The following MLPH variants were observed in gnomAD, a reference collection of about 807,000 sequenced individuals.
MLPH encodes exophilin-3.
MLPH carries 51 observed loss-of-function variants against 72.1 expected under a neutral mutation model. That is an observed-to-expected ratio of 0.71 (90% CI 0.56 to 0.89). The LOEUF is 0.89. MLPH is among the 40% of genes least tolerant of loss of function. MLPH has a pLI of 0.00. For synonymous variants in MLPH, 301 were observed against 310.1 expected (o/e 0.97, Z 0.31); for missense variants, 743 against 759.9 (o/e 0.98, Z 0.26).
chr2:237,487,172 A>C (rs374420381), upstream of MLPH: 12 of 152,282 alleles, frequency 7.9e-5, no homozygotes, highest in African/African-American at 2.6e-4. Flanking sequence ...CAGGGCATCC[A>C]GAGGTGTCCG....
rs369862768 is a variant in MLPH, at chr2:237,502,074, G to A, written c.111-8500G>A. 5.9e-5 allele frequency among the ~76,000 whole-genome samples: 9 copies of A among 152,192 alleles called. No homozygotes were observed. The East Asian group carries it at 1.5e-3, about 26-fold the overall frequency. ...TCTGGAGTTAGCTGAGGATATCCTC[G>A]TGATGTTTGCACCAAAGTTCCATTG... is the stretch of plus-strand genomic sequence containing the variant. On this transcript the variant is annotated intron_variant, in intron 2 of 15. Coordinates refer to ENST00000264605, the MANE Select transcript of MLPH (RefSeq NM_024101.7).
intron 9 of MLPH, among the ~76,000 whole-genome samples, chr2:237,537,035 C>CGGACACAG (rs2080546528): frequency 6.6e-6 from 1 of 152,216 alleles, no homozygotes; most frequent in African/African-American, 2.4e-5. Context: ...GCCCTCTGGG[C>CGGACACAG]CATCAAGGAG....
intron 1 of MLPH, among the ~76,000 whole-genome samples, chr2:237,491,643 C>G (rs752826271): frequency 2.7e-4 from 41 of 152,192 alleles, no homozygotes; most frequent in Non-Finnish European, 4.4e-4. Flanking sequence ...ACAGGATGAT[C>G]AGGGAAGTCC....
intron 12 of MLPH, among the ~76,000 whole-genome samples, chr2:237,543,127 TGGGCACAGTAGTGAGTA>T (rs2080760967): frequency 3.2e-5 from 1 of 31,506 alleles, no homozygotes. Context: ...CAGTGGTGAG[TGGGCACAGTAGTGAGTA>T]GGGGGACAGT....
At chr2:237,540,681 G>C in intron 10 of MLPH, 121 bp from the exon 11 acceptor site, 1 of 1,514,576 alleles carries the variant, frequency 6.6e-7, no homozygotes, top group Non-Finnish European at 9.0e-7. Context: ...CGGGTGGCCG[G>C]CTCCTGACCA....
rs998304496 is a variant in MLPH, at chr2:237,502,541, G to T, written c.111-8033G>T. Among the ~76,000 whole-genome samples, 6 of 152,170 alleles carry T rather than the reference G, an allele frequency of 3.9e-5. 1 individual carries two copies. The highest frequency in any genetic ancestry group is 1.4e-4 in the African/African-American group (6 of 41,426). On this transcript the variant is annotated intron_variant, in intron 2 of 15. Coordinates refer to ENST00000264605, the MANE Select transcript of MLPH (RefSeq NM_024101.7). ...AGGGTAGCCCCTCAGCTGTGGTTATGGTAGAAATTAATGGATATTCTCCAA... is the reference window on the plus strand; with the variant it reads ...AGGGTAGCCCCTCAGCTGTGGTTATTGTAGAAATTAATGGATATTCTCCAA...
intron 2 of MLPH, among the ~76,000 whole-genome samples, chr2:237,502,986 G>A (rs1037728715): frequency 2.0e-5 from 3 of 152,094 alleles, no homozygotes; most frequent in African/African-American, 7.2e-5. Context: ...AGCCATGATG[G>A]CAGGCGCCTG....
chr2:237,520,354 A>G (rs2080154297), intron 6 of MLPH, among the ~76,000 whole-genome samples: 1 of 152,006 alleles, frequency 6.6e-6, no homozygotes, highest in Non-Finnish European at 1.5e-5. Context: ...CCCGAGACTC[A>G]GGAGGGCGGG....
intron 2 of MLPH, among the ~76,000 whole-genome samples, chr2:237,503,943 C>A (rs564680062): frequency 6.6e-6 from 1 of 152,190 alleles, no homozygotes; most frequent in Non-Finnish European, 1.5e-5. Context: ...GGGAGATGAT[C>A]CCGGGTTCCC....
chr2:237,510,984 T>C lies in MLPH; in HGVS notation c.333-5T>C, dbSNP rs937906547. ...AGTGCCATGAGCCTGTGCTTGTCCC[T>C]GCAGAGTCGTGAAGATCGGCTCACT... On this transcript the variant is annotated splice_region_variant and splice_polypyrimidine_tract_variant and intron_variant, in intron 3 of 15. Coordinates refer to ENST00000264605, the MANE Select transcript of MLPH (RefSeq NM_024101.7). The surrounding 1 kb of genome is among the most constrained non-coding windows in gnomAD (Gnocchi z 4.4). 6.2e-7 allele frequency: 1 copy of C among 1,613,382 alleles called. No individual in the cohort carries two copies. Among genetic ancestry groups the C allele is most frequent in the African/African-American group, 1.3e-5 (1 of 74,982 alleles).
At chr2:237,530,894 A>G (rs1320202) in intron 8 of MLPH, among the ~76,000 whole-genome samples, 24,407 of 152,220 alleles carry the variant, frequency 0.16, 2,231 homozygotes, top group South Asian at 0.31. Flanking sequence ...GAGCAGACCC[A>G]GTGCTGCAGC....
rs76303511 is a variant in MLPH, at chr2:237,554,154, C to T, written c.*562C>T. Reference sequence around the variant, plus strand: ...GACACCCCAGTCCCCACCCTACGTGCACCCGCTCTGCAAGTTCCCATGTGA... The same window carrying T: ...GACACCCCAGTCCCCACCCTACGTGTACCCGCTCTGCAAGTTCCCATGTGA... On this transcript the variant is annotated 3_prime_UTR_variant, in exon 16 of 16. Coordinates refer to ENST00000264605, the MANE Select transcript of MLPH (RefSeq NM_024101.7). 3.5e-3 allele frequency: 853 copies of T among 241,116 alleles called. 9 individuals carry two copies. Among genetic ancestry groups the T allele is most frequent in the African/African-American group, 0.018 (803 of 45,232 alleles). 14.9% of individuals were successfully genotyped at this position (241,116 alleles called of 1,614,324 possible). A position where few individuals can be genotyped will look rare whatever the true frequency, so the allele number is the denominator to read the frequency against.
chr2:237,534,560 G>T lies in MLPH; in HGVS notation c.1021-4G>T, dbSNP rs750427047. 3 of 1,612,802 alleles carry T rather than the reference G, an allele frequency of 1.9e-6. No homozygotes were observed. Among genetic ancestry groups the T allele is most frequent in the Non-Finnish European group, 2.5e-6 (3 of 1,179,148 alleles). ...TGCCCACTGTTTCTCTCCTTCTGCT[G>T]CAGATCTTTGAGCTGAATAAGCATA... On this transcript the variant is annotated splice_polypyrimidine_tract_variant and splice_region_variant and intron_variant, in intron 8 of 15. Transcript: ENST00000264605.
chr2:237,548,060 G>A (rs1316202225), intron 13 of MLPH, among the ~76,000 whole-genome samples: 9 of 152,236 alleles, frequency 5.9e-5, no homozygotes, highest in Admixed American at 1.3e-4. Context: ...GATGTTTACA[G>A]CACCCAGCGG....
intron 8 of MLPH, among the ~76,000 whole-genome samples, chr2:237,528,270 T>C (rs10188845): frequency 0.13 from 19,501 of 152,124 alleles, 2,911 homozygotes; most frequent in African/African-American, 0.37. Flanking sequence ...AATTTTTATA[T>C]GTATTTTATA....
chr2:237,535,189 C>T (rs907239226), intron 9 of MLPH, among the ~76,000 whole-genome samples: 1 of 152,110 alleles, frequency 6.6e-6, no homozygotes, highest in Non-Finnish European at 1.5e-5. Context: ...CACCACATGG[C>T]ACATGGTGAC....
chr2:237,545,026 G>GA (rs1162934512), intron 12 of MLPH, among the ~76,000 whole-genome samples: 1 of 1,112 alleles, frequency 9.0e-4, no homozygotes, highest in African/African-American at 6.7e-3. Flanking sequence ...GTGGTGAGTG[G>GA]GGGCACAGTG....
At chr2:237,507,482 C>T (rs2079802767) in intron 2 of MLPH, 1 of 152,206 alleles carries the variant, frequency 6.6e-6, no homozygotes, top group South Asian at 2.1e-4. Flanking sequence ...AGTGGATTTT[C>T]TACCCCTGTG....
rs1330980054 is a variant in MLPH at position 237,541,581 on chromosome 2, G to T, written c.1446+624G>T. On this transcript the variant is annotated intron_variant, in intron 11 of 15. Coordinates refer to ENST00000264605, the MANE Select transcript of MLPH (RefSeq NM_024101.7). This position sits in a 1 kb window ranked among gnomAD's most constrained non-coding sequence, Gnocchi z 5.1. The stretch of plus-strand genomic sequence containing the variant: ...GTGCCTGTCACTCCCTAAGGACAAA[G>T]GGCACGTCCCCTAGAGCTGTTCAAG... Among the ~76,000 whole-genome samples the T allele has an allele frequency of 1.3e-5, 2 of 152,226 alleles. No homozygotes were observed. Among genetic ancestry groups the T allele is most frequent in the Non-Finnish European group, 2.9e-5 (2 of 68,028 alleles).
Sources: gnomAD v4.1 joint callset for allele counts (sites outside exome capture counted in the v4.1 genomes callset) on GRCh38, gnomAD v4.1.1 for gene constraint, Gnocchi (gnomAD v3.1) non-coding constraint, MANE v1.5 for transcripts, NCBI Gene and HGNC (gene_info 2026-07-23, HGNC 2026-07-21) for gene names.